STK17A: variants seen among roughly 807,000 people sequenced by gnomAD.
The protein encoded by STK17A is serine/threonine-protein kinase 17A.
In STK17A, 26 loss-of-function variants were observed where a neutral mutation model predicts 43.7. The observed-to-expected ratio is 0.60, with a 90% CI of 0.44 to 0.83. STK17A has a LOEUF of 0.83. Ranked by LOEUF, STK17A falls within the 40% of genes least tolerant of loss-of-function variation. The pLI, the probability that STK17A is intolerant of heterozygous loss-of-function variation, is 0.00. For synonymous variants in STK17A, 191 were observed against 182.5 expected (o/e 1.05, Z -0.38); for missense variants, 476 against 511.6 (o/e 0.93, Z 0.67).
chr7:43,618,424 G>C (rs1203197959), intron 3 of STK17A, among the ~76,000 whole-genome samples: 2 of 152,170 alleles, frequency 1.3e-5, no homozygotes, highest in Non-Finnish European at 2.9e-5. Context: ...CAGACTGTTT[G>C]ATTTGGAGCA....
At chr7:43,619,485 C>T in intron 3 of STK17A, 112 bp from the exon 4 acceptor site, 4 of 1,307,522 alleles carry the variant, frequency 3.1e-6, no homozygotes, top group Non-Finnish European at 3.2e-6. Context: ...TGACTGTTTA[C>T]TGTTAAATTC....
rs2084353475 is a variant in STK17A at position 43,625,043 on chromosome 7, T to TA, written c.*202dup. The TA allele has an allele frequency of 7.1e-6, 3 of 421,118 alleles. No individual in the cohort carries two copies. The highest frequency in any genetic ancestry group is 1.3e-5 in the Non-Finnish European group (3 of 238,880). 26.1% of individuals were successfully genotyped at this position (421,118 alleles called of 1,614,324 possible). On this transcript the variant is annotated 3_prime_UTR_variant, in exon 7 of 7. Transcript: ENST00000319357. ...AACCAGGAGATTTAACAGGTACAGT[T>TA]ACCCGTTTCAATGTTATTTTTAAGA...
At chr7:43,589,725 T>C (rs2082466210) in intron 1 of STK17A, among the ~76,000 whole-genome samples, 1 of 151,494 alleles carries the variant, frequency 6.6e-6, no homozygotes, top group African/African-American at 2.4e-5. Context: ...GGAGTGCTAA[T>C]AAATCTTGAC....
In STK17A at chr7:43,623,635, T is replaced by G. The variant is rs758876695; in HGVS notation, c.740+15T>G. 27 of 1,608,454 alleles carry G rather than the reference T, an allele frequency of 1.7e-5. No individual in the cohort carries two copies. The highest frequency in any genetic ancestry group is 2.1e-5 in the Non-Finnish European group (25 of 1,178,294). Reference sequence around the variant, plus strand: ...ACAGATATGTGGTAAGAGTTATTAATGAAAAATTGATCAAATTAGTTTCAA... The same window carrying G: ...ACAGATATGTGGTAAGAGTTATTAAGGAAAAATTGATCAAATTAGTTTCAA... On this transcript the variant is annotated intron_variant, in intron 5 of 6. Coordinates refer to ENST00000319357, the MANE Select transcript of STK17A (RefSeq NM_004760.3).
chr7:43,619,415 G>A (rs952960737), intron 3 of STK17A, among the ~76,000 whole-genome samples, 182 bp from the exon 4 acceptor site: 1 of 152,130 alleles, frequency 6.6e-6, no homozygotes, highest in Non-Finnish European at 1.5e-5. Flanking sequence ...AAATACAAGA[G>A]AGTACAGGCC....
intron 3 of STK17A, chr7:43,609,338 G>A (rs1303377712): frequency 6.6e-6 from 1 of 152,312 alleles, no homozygotes; most frequent in Non-Finnish European, 1.5e-5. Context: ...TTTGGAACCA[G>A]TAAGTGTGCT....
At chr7:43,619,364 T>C (rs1204349177) in intron 3 of STK17A, among the ~76,000 whole-genome samples, 2 of 152,172 alleles carry the variant, frequency 1.3e-5, no homozygotes, top group Non-Finnish European at 2.9e-5. Context: ...TAGAAACATA[T>C]TTATATGCTG....
rs534770265 is a variant in STK17A, at chr7:43,585,668, A to G, written c.206+2219A>G. 2.6e-5 allele frequency among the ~76,000 whole-genome samples: 4 copies of G among 151,678 alleles called. No individual in the cohort carries two copies. In the South Asian group the frequency reaches 6.2e-4, roughly 24 times the overall value. On this transcript the variant is annotated intron_variant, in intron 1 of 6. Coordinates refer to ENST00000319357, the MANE Select transcript of STK17A (RefSeq NM_004760.3). ...ATTGGCTTTGGAGTCAGACAGTGTGAGATTGAATCTTGGCTCTTACTAGTT... is the reference window on the plus strand; with the variant it reads ...ATTGGCTTTGGAGTCAGACAGTGTGGGATTGAATCTTGGCTCTTACTAGTT...
chr7:43,624,660 G>A lies in STK17A; in HGVS notation c.1063G>A (p.Asp355Asn). Residue 355 changes from aspartate to asparagine, a missense_variant, in exon 7 of 7, where the codon GAT becomes AAT. Around this residue, in one of 3 missense-constraint regions of STK17A, gnomAD observed 110 missense variants for 103.7 expected, o/e 1.06. Coordinates refer to ENST00000319357, the MANE Select transcript of STK17A (RefSeq NM_004760.3). Reference sequence around the variant, plus strand: ...TCATTCTGTGCCTGAAATTAATTCGGATACCGACAAATCAGAAACCAAGGA... The same window carrying A: ...TCATTCTGTGCCTGAAATTAATTCGAATACCGACAAATCAGAAACCAAGGA... ...EGHSVPEINSDTDKSETKESI... is the reference protein window; with the variant it reads ...EGHSVPEINSNTDKSETKESI... 1 of 1,614,066 alleles carries A rather than the reference G, an allele frequency of 6.2e-7. No individual in the cohort carries two copies. The highest frequency in any genetic ancestry group is 8.5e-7 in the Non-Finnish European group (1 of 1,179,998).
At chr7:43,593,696 T>TCA (rs1554478395) in intron 1 of STK17A, among the ~76,000 whole-genome samples, 7 of 146,392 alleles carry the variant, frequency 4.8e-5, no homozygotes, top group Non-Finnish European at 7.5e-5. Context: ...TCTGTTCATA[T>TCA]AAAAAAAAAA....
chr7:43,611,864 A>G (rs961412237), intron 3 of STK17A, among the ~76,000 whole-genome samples: 2 of 152,222 alleles, frequency 1.3e-5, no homozygotes, highest in African/African-American at 4.8e-5. Context: ...ACCTATAGGA[A>G]ATGAGCTTTC....
intron 2 of STK17A, among the ~76,000 whole-genome samples, chr7:43,601,595 C>T (rs1018214580): frequency 9.9e-5 from 15 of 152,128 alleles, no homozygotes; most frequent in Non-Finnish European, 1.8e-4. Context: ...TTCAGTTCTT[C>T]CAGTCTTCAC....
intron 3 of STK17A, among the ~76,000 whole-genome samples, chr7:43,610,871 C>T (rs2082809169): frequency 6.6e-6 from 1 of 152,068 alleles, no homozygotes; most frequent in African/African-American, 2.4e-5. Flanking sequence ...AATCCCAGCA[C>T]TTTGGGAGGT....
At chr7:43,588,276 TG>T (rs1370747876) in intron 1 of STK17A, among the ~76,000 whole-genome samples, 1 of 151,574 alleles carries the variant, frequency 6.6e-6, no homozygotes, top group African/African-American at 2.4e-5. Flanking sequence ...GATGTAATTT[TG>T]TATAGTCTTC....
Position 43,616,149 on chromosome 7 carries a change from G to T in STK17A, c.565-3448G>T, listed in dbSNP as rs2083321669. 5.3e-5 allele frequency among the ~76,000 whole-genome samples: 8 copies of T among 152,122 alleles called. 1 individual carries two copies. The South Asian group carries it at 1.7e-3, about 32-fold the overall frequency. On this transcript the variant is annotated intron_variant, in intron 3 of 6. Coordinates refer to ENST00000319357, the MANE Select transcript of STK17A (RefSeq NM_004760.3). ...TGAGGAAATCTTTTTACCCTTCAGG[G>T]TCTGCTCACATATCTCCTCTGTAAT...
At chr7:43,613,469 A>G (rs2083061977) in intron 3 of STK17A, among the ~76,000 whole-genome samples, 1 of 152,148 alleles carries the variant, frequency 6.6e-6, no homozygotes, top group South Asian at 2.1e-4. Flanking sequence ...CCCTGAACCA[A>G]TCCCCACTGA....
In STK17A at chr7:43,624,635, T is replaced by A. The variant is rs747027875; in HGVS notation, c.1038T>A (p.Gly346=). The A allele has an allele frequency of 4.2e-5, 68 of 1,613,924 alleles. No homozygotes were observed. Among genetic ancestry groups the A allele is most frequent in the Non-Finnish European group, 5.0e-5 (59 of 1,179,984 alleles). Residue 346 remains glycine (G), a synonymous_variant, in exon 7 of 7, where the codon GGT becomes GGA. Coordinates refer to ENST00000319357, the MANE Select transcript of STK17A (RefSeq NM_004760.3). ...AAGAAGCAAATGCCCTCCAAGAAGGTCATTCTGTGCCTGAAATTAATTCGG... is the reference window on the plus strand; with the variant it reads ...AAGAAGCAAATGCCCTCCAAGAAGGACATTCTGTGCCTGAAATTAATTCGG... ...ALEEANALQE[G]HSVPEINSDT... is the part of the protein sequence containing the mutation.
chr7:43,602,999 G>A (rs919678401), intron 2 of STK17A, among the ~76,000 whole-genome samples: 1 of 152,048 alleles, frequency 6.6e-6, no homozygotes, highest in Non-Finnish European at 1.5e-5. Context: ...TAGAAACCTC[G>A]AAGTTATCCT....
At chr7:43,611,172 A>C (rs2082844275) in intron 3 of STK17A, among the ~76,000 whole-genome samples, 1 of 152,202 alleles carries the variant, frequency 6.6e-6, no homozygotes, top group Non-Finnish European at 1.5e-5. Flanking sequence ...TTCTACAGCA[A>C]ACTTGATAAT....
Sources: gnomAD v4.1 joint callset for allele counts (sites outside exome capture counted in the v4.1 genomes callset) on GRCh38, gnomAD v4.1.1 for gene constraint, gnomAD v4.1.1 regional missense constraint, MANE v1.5 for transcripts, NCBI Gene and HGNC (gene_info 2026-07-23, HGNC 2026-07-21) for gene names.